The following NPC1 variants were observed in gnomAD, a reference collection of about 807,000 sequenced individuals.
NPC1 encodes the protein Niemann-Pick C1 protein.
A neutral mutation model predicts 140.4 loss-of-function variants in NPC1; 85 were observed. The observed-to-expected ratio is 0.61, with a 90% CI of 0.51 to 0.72. The LOEUF is 0.72. Ranked by LOEUF, NPC1 falls within the 30% of genes least tolerant of loss-of-function variation. The pLI, the probability that NPC1 is intolerant of heterozygous loss-of-function variation, is 0.00. For synonymous variants in NPC1, 656 were observed against 624.8 expected (o/e 1.05, Z -0.74); for missense variants, 1,504 against 1,623.8 (o/e 0.93, Z 1.27).
At chr18:23,541,033 G>A in intron 16 of NPC1, 35 bp downstream of exon 16, 3 of 1,610,844 alleles carry the variant, frequency 1.9e-6, no homozygotes, top group Middle Eastern at 1.7e-4. Context: ...CTGTTTCAGT[G>A]AGAGGAAAGA....
Position 23,516,324 on chromosome 18 carries a change from G to C in NPC1, c.432-9682C>G, listed in dbSNP as rs145956918. Reference sequence around the variant, plus strand: ...AAACATTTTCCCCCTAAACAGGCTGGCACTATGTCGAAGCTGCCCAAATTT... The same window carrying C: ...AAACATTTTCCCCCTAAACAGGCTGCCACTATGTCGAAGCTGCCCAAATTT... On this transcript the variant is annotated intron_variant, in intron 3 of 3. Coordinates refer to the NPC1 transcript ENST00000591107. 101 of 1,614,032 alleles carry C rather than the reference G, an allele frequency of 6.3e-5. No homozygotes were observed. The African/African-American group carries it at 1.2e-3, about 19-fold the overall frequency.
At position 23,572,078 on chromosome 18, in the gene NPC1, A is replaced by G. The variant is rs1008764923; in HGVS notation, c.283T>C (p.Ser95Pro). 12 of 1,612,334 alleles carry G rather than the reference A, an allele frequency of 7.4e-6. No individual in the cohort carries two copies. Among genetic ancestry groups the G allele is most frequent in the Non-Finnish European group, 1.0e-5 (12 of 1,178,560 alleles). ...TGTTTCCCCAGCAGAACCTACCTGG[A>G]CAGAAACTGTAGAGGCAGCTGCAGG... ...DNLQLPLQFL[S>P]RCPSCFYNLL... Residue 95 changes from serine to proline, a missense_variant, in exon 3 of 25, where the codon TCC (serine) becomes CCC (proline). Coordinates refer to ENST00000269228, the MANE Select transcript of NPC1 (RefSeq NM_000271.5).
chr18:23,538,919 C>A, intron 19 of NPC1: 1 of 522,770 alleles, frequency 1.9e-6, no homozygotes, highest in Non-Finnish European at 3.4e-6. Context: ...AAGTAGATCT[C>A]CTCCTTCAAG....
At chr18:23,510,521 C>T (rs1193091997) in intron 3 of NPC1, among the ~76,000 whole-genome samples, 2 of 152,036 alleles carry the variant, frequency 1.3e-5, no homozygotes, top group African/African-American at 4.8e-5. Context: ...GTGGCAGGCA[C>T]CTGTAATCCC....
intron 2 of NPC1, among the ~76,000 whole-genome samples, chr18:23,573,228 CTT>C (rs1450641646): frequency 1.3e-5 from 2 of 152,216 alleles, no homozygotes; most frequent in African/African-American, 2.4e-5. Flanking sequence ...TATTGGGAAA[CTT>C]TATGAGAGGT....
chr18:23,565,631 GGT>G (rs1215574695), intron 4 of NPC1, among the ~76,000 whole-genome samples: 2 of 152,096 alleles, frequency 1.3e-5, no homozygotes, highest in Non-Finnish European at 2.9e-5. Context: ...TTGGATTACA[GGT>G]GTGAGCCACT....
intron 1 of NPC1, chr18:23,524,289 C>A: frequency 6.7e-7 from 1 of 1,489,360 alleles, no homozygotes; most frequent in East Asian, 2.3e-5. Context: ...AGCCACCCCG[C>A]AGGCAGCTTC....
At chr18:23,551,511 G>A (rs2058872313) in intron 10 of NPC1, 116 bp downstream of exon 10, 1 of 831,320 alleles carries the variant, frequency 1.2e-6, no homozygotes, top group South Asian at 1.3e-5. Flanking sequence ...GATTCAAGAG[G>A]TAAGAAATTA....
intron 5 of NPC1, 105 bp from the exon 6 acceptor site, chr18:23,560,585 T>A (rs934310463): frequency 4.2e-6 from 5 of 1,184,462 alleles, no homozygotes; most frequent in Admixed American, 2.4e-5. Context: ...ATAAAACAAC[T>A]GAAAGAAGAA....
At chr18:23,580,814 T>C (rs1481906718) in intron 1 of NPC1, among the ~76,000 whole-genome samples, 2 of 152,224 alleles carry the variant, frequency 1.3e-5, no homozygotes, top group Admixed American at 1.3e-4. Flanking sequence ...AGCTGCCTGC[T>C]GCTTCTTTGG....
chr18:23,552,299 AAAT>A (rs1268348470), intron 9 of NPC1, among the ~76,000 whole-genome samples: 8 of 152,156 alleles, frequency 5.3e-5, no homozygotes, highest in East Asian at 3.8e-4. Context: ...TCTAAAAAAA[AAAT>A]AATAATAATT....
In NPC1 at chr18:23,577,971, C is replaced by T. The variant is rs1017911249; in HGVS notation, c.58-4397G>A. Among the ~76,000 whole-genome samples the T allele has an allele frequency of 5.3e-5, 8 of 152,334 alleles. No homozygotes were observed. In the East Asian group the frequency reaches 1.2e-3, roughly 22 times the overall value. On this transcript the variant is annotated intron_variant, in intron 1 of 24. Transcript: ENST00000269228. Reference sequence around the variant, plus strand: ...CGCCCACCCGGAACTCCAGCTGGCCCGCAAGTGCCGCACACAGCCCCGGTT... The same window carrying T: ...CGCCCACCCGGAACTCCAGCTGGCCTGCAAGTGCCGCACACAGCCCCGGTT...
At chr18:23,538,756 G>T (rs2058669800) in intron 19 of NPC1, 85 bp from the exon 20 acceptor site, 1 of 1,399,402 alleles carries the variant, frequency 7.1e-7, no homozygotes, top group Non-Finnish European at 1.0e-6. Context: ...ACAGTGAGGG[G>T]CATTACTTTC....
At chr18:23,517,673 TTTC>T (rs1044552638), downstream of NPC1, among the ~76,000 whole-genome samples, 6 of 152,254 alleles carry the variant, frequency 3.9e-5, no homozygotes, top group Admixed American at 2.0e-4. Flanking sequence ...TGTTCTTTCA[TTTC>T]TTCTTCCTTT....
intron 1 of NPC1, among the ~76,000 whole-genome samples, chr18:23,580,570 T>G (rs1440091858): frequency 6.6e-6 from 1 of 152,222 alleles, no homozygotes; most frequent in Non-Finnish European, 1.5e-5. Context: ...CCACCAGAGC[T>G]GGGAGTGCAG....
intron 3 of NPC1, among the ~76,000 whole-genome samples, chr18:23,569,835 G>T (rs1467003976): frequency 6.6e-6 from 1 of 152,194 alleles, no homozygotes; most frequent in East Asian, 1.9e-4. Flanking sequence ...ACCATAAGCT[G>T]CCTGCTATCC....
chr18:23,534,362 G>T, intron 23 of NPC1, 84 bp downstream of exon 23: 1 of 937,178 alleles, frequency 1.1e-6, no homozygotes, highest in Non-Finnish European at 1.7e-6. Context: ...TGCTTTGTAA[G>T]TACAGGATCC....
At chr18:23,507,971 G>T (rs1567912995) in intron 3 of NPC1, 1 of 1,609,754 alleles carries the variant, frequency 6.2e-7, no homozygotes, top group East Asian at 2.2e-5. Flanking sequence ...GTGTCTGTGT[G>T]TTTTTCCTTT....
chr18:23,569,215 C>T (rs1354940025), intron 3 of NPC1, among the ~76,000 whole-genome samples: 1 of 152,096 alleles, frequency 6.6e-6, no homozygotes, highest in Admixed American at 6.5e-5. Flanking sequence ...TTATTGTGTC[C>T]AATTATAATT....
Sources: allele counts gnomAD v4.1 joint callset (sites outside exome capture counted in the v4.1 genomes callset), GRCh38; gene constraint gnomAD v4.1.1; transcripts MANE v1.5; gene names NCBI Gene and HGNC (gene_info 2026-07-23, HGNC 2026-07-21).